The following ANKRD30B variants were observed in gnomAD, a reference collection of about 807,000 sequenced individuals.
The protein encoded by ANKRD30B is ankyrin repeat domain-containing protein 30B.
In ANKRD30B, 144 loss-of-function variants were observed where a neutral mutation model predicts 202.2. The ratio of observed to expected loss-of-function variants is 0.71; its 90% CI spans 0.62 to 0.82. The LOEUF (loss-of-function observed/expected upper bound fraction) is 0.82, where lower values mean the gene tolerates loss of function less well. ANKRD30B is among the 40% of genes least tolerant of loss of function. The pLI is 0.00. For missense variants in ANKRD30B, 1,487 were observed against 1,669.1 expected, an observed-to-expected ratio of 0.89 and a Z score of 1.90; for synonymous variants, 508 against 561.3, an observed-to-expected ratio of 0.91 and a Z score of 1.34.
rs1969900017 is a variant in ANKRD30B, at chr18:14,811,227, C to CTGTCTCGCCCATCTCGT, written c.2488+1059_2488+1075dup. ...TTTTAAATTTTGATATGGCGTCTCG[C>CTGTCTCGCCCATCTCGT]TGTCTCGCCCATCTCGTTGTCTCGC... On this transcript the variant is annotated intron_variant, in intron 28 of 43. Coordinates refer to ENST00000690538, the MANE Select transcript of ANKRD30B (RefSeq NM_001367607.2). Among the ~76,000 whole-genome samples the CTGTCTCGCCCATCTCGT allele has an allele frequency of 5.9e-5, 9 of 151,666 alleles. No individual in the cohort carries two copies. The South Asian group carries it at 6.3e-4, about 11-fold the overall frequency.
chr18:14,925,030 G>C, the ANKRD30B span, among the ~76,000 whole-genome samples: 2 of 152,262 alleles, frequency 1.3e-5, no homozygotes, highest in Admixed American at 6.5e-5. Context: ...CAAAGGCTTA[G>C]ACCATGGCCT....
chr18:14,808,584 T>C lies in ANKRD30B; in HGVS notation c.2313+5T>C, dbSNP rs762044123. ...GATAAAGATGGTCTTCTGAAGGTAA[T>C]TACTTTTATATTTCTATGTTGAATA... On this transcript the variant is annotated splice_donor_5th_base_variant and intron_variant, in intron 25 of 43. Coordinates refer to ENST00000690538, the MANE Select transcript of ANKRD30B (RefSeq NM_001367607.2). 17 of 1,559,286 alleles carry C rather than the reference T, an allele frequency of 1.1e-5. 1 individual carries two copies. Among genetic ancestry groups the C allele is most frequent in the Middle Eastern group, 3.5e-4 (2 of 5,644 alleles).
intron 32 of ANKRD30B, among the ~76,000 whole-genome samples, chr18:14,824,386 C>G (rs1193845866): frequency 6.6e-6 from 1 of 152,108 alleles, no homozygotes; most frequent in African/African-American, 2.4e-5. Context: ...TGGAGTTTCC[C>G]TCTTTCGCCC....
At chr18:14,934,087 A>G in the ANKRD30B span, among the ~76,000 whole-genome samples, 1 of 152,184 alleles carries the variant, frequency 6.6e-6, no homozygotes, top group Non-Finnish European at 1.5e-5. Context: ...CAGCCATAAA[A>G]AGCAAGCAAG....
rs1051366246 is a variant in ANKRD30B, at chr18:14,805,402, G to T, written c.2284+1578G>T. Among the ~76,000 whole-genome samples the T allele has an allele frequency of 4.4e-4, 67 of 151,076 alleles. 4 individuals carry two copies. Among genetic ancestry groups the T allele is most frequent in the African/African-American group, 1.6e-3 (65 of 40,936 alleles). Reference sequence around the variant, plus strand: ...GCCAATTAAATTTGCTGTTCCTGATGAGGTTTGTACATCTTCCTCCATCAG... The same window carrying T: ...GCCAATTAAATTTGCTGTTCCTGATTAGGTTTGTACATCTTCCTCCATCAG... On this transcript the variant is annotated intron_variant, in intron 24 of 43. Transcript: ENST00000690538.
chr18:14,867,091 G>A, the ANKRD30B span, among the ~76,000 whole-genome samples: 1 of 143,466 alleles, frequency 7.0e-6, no homozygotes, highest in Non-Finnish European at 1.5e-5. Flanking sequence ...CCTGTGACAG[G>A]AGCAGATTGG....
At position 14,799,241 on chromosome 18, in the gene ANKRD30B, G is replaced by T. The variant is rs201596581; in HGVS notation, c.2077G>T (p.Val693Phe). The change falls in exon 22 of 44, where the codon GTT becomes TTT. Residue 693 changes from valine (V) to phenylalanine (F), a missense_variant. Val to Phe is a conservative substitution (Grantham distance 50, BLOSUM62 -1). Transcript: ENST00000690538. ...CATTTAGCCTACCTGTGGAAGGAAA[G>T]TTTCTCTTCCAAATAAAGCTTTAGA... The part of the protein sequence containing the change: ...GLLKPTCGRK[V>F]SLPNKALELK... 7.3e-4 allele frequency: 1,139 copies of T among 1,563,748 alleles called. 9 individuals carry two copies. The highest frequency in any genetic ancestry group is 7.3e-4 in the Non-Finnish European group (842 of 1,156,332).
chr18:14,834,868 T>C (rs1971105278), intron 34 of ANKRD30B, among the ~76,000 whole-genome samples: 1 of 151,990 alleles, frequency 6.6e-6, no homozygotes, highest in African/African-American at 2.4e-5. Context: ...TAACTTTATG[T>C]CTTATATTTA....
chr18:14,749,841 A>G (rs1197923646), intron 1 of ANKRD30B, among the ~76,000 whole-genome samples: 1 of 151,970 alleles, frequency 6.6e-6, no homozygotes, highest in East Asian at 1.9e-4. Flanking sequence ...GAAAAGAATT[A>G]GTTTCATAAT....
intron 36 of ANKRD30B, among the ~76,000 whole-genome samples, chr18:14,837,968 A>G (rs944166235): frequency 6.6e-6 from 1 of 152,198 alleles, no homozygotes; most frequent in African/African-American, 2.4e-5. Context: ...GGGAGCCCAG[A>G]TCATGCCACT....
chr18:14,810,021 A>G lies in ANKRD30B; in HGVS notation c.2415+7A>G. 1 of 1,433,024 alleles carries G rather than the reference A, an allele frequency of 7.0e-7. No individual in the cohort carries two copies. The highest frequency in any genetic ancestry group is 1.2e-5 in the South Asian group (1 of 86,666). 88.8% of individuals were successfully genotyped at this position (1,433,024 alleles called of 1,614,324 possible). ...TAAAGATGGTCTTCTGAAGGTAATA[A>G]CTTTTATATTTTTATCTTGAATATT... On this transcript the variant is annotated splice_region_variant and intron_variant, in intron 27 of 43. Transcript: ENST00000690538.
intron 34 of ANKRD30B, among the ~76,000 whole-genome samples, chr18:14,832,544 G>T (rs1204317333): frequency 6.6e-6 from 1 of 152,134 alleles, no homozygotes; most frequent in Non-Finnish European, 1.5e-5. Flanking sequence ...ATGAGATACT[G>T]CAGGTTAGAA....
chr18:14,758,475 A>T (rs564572023), intron 5 of ANKRD30B, among the ~76,000 whole-genome samples: 88 of 152,276 alleles, frequency 5.8e-4, no homozygotes, highest in African/African-American at 2.0e-3. Flanking sequence ...GACCTTTGTG[A>T]CCAGGATGCC....
At chr18:14,855,163 C>T (rs1330133839), downstream of ANKRD30B, among the ~76,000 whole-genome samples, 1 of 152,140 alleles carries the variant, frequency 6.6e-6, no homozygotes, top group African/African-American at 2.4e-5. Context: ...CTTGCACCGC[C>T]CTTAATCCAT....
chr18:14,867,863 G>A, the ANKRD30B span, among the ~76,000 whole-genome samples: 1 of 152,226 alleles, frequency 6.6e-6, no homozygotes, highest in South Asian at 2.1e-4. Flanking sequence ...GCATGACAAG[G>A]TGAGGCTCTA....
intron 32 of ANKRD30B, 133 bp downstream of exon 32, chr18:14,822,810 T>A: frequency 8.2e-7 from 1 of 1,219,370 alleles, no homozygotes; most frequent in Non-Finnish European, 1.1e-6. Flanking sequence ...ATAATGCCAA[T>A]GTTAGTATTC....
At chr18:14,871,763 G>A in the ANKRD30B span, among the ~76,000 whole-genome samples, 2 of 152,112 alleles carry the variant, frequency 1.3e-5, no homozygotes. Context: ...CAGCCATGGT[G>A]GCTATATTCC....
chr18:14,809,024 G>C (rs1969740873), intron 26 of ANKRD30B, among the ~76,000 whole-genome samples: 1 of 149,690 alleles, frequency 6.7e-6, no homozygotes, highest in African/African-American at 2.5e-5. Context: ...GGCAGGTTGA[G>C]AAAGAATAGA....
At position 14,784,202 on chromosome 18, in the gene ANKRD30B, G is replaced by C. The variant is rs575813087; in HGVS notation, c.1571-134G>C. 10 of 899,648 alleles carry C rather than the reference G, an allele frequency of 1.1e-5. No individual in the cohort carries two copies. In the South Asian group the frequency reaches 1.6e-4, roughly 14 times the overall value. 55.7% of individuals were successfully genotyped at this position (899,648 alleles called of 1,614,324 possible). On this transcript the variant is annotated intron_variant, in intron 12 of 43. Transcript: ENST00000690538. ...TGTGTGTGTCCTAAACAAACCAAAA[G>C]AAAACTTCCCAAATCTAAACTATTC...
Sources: allele counts gnomAD v4.1 joint callset (sites outside exome capture counted in the v4.1 genomes callset), GRCh38; gene constraint gnomAD v4.1.1; transcripts MANE v1.5; gene names NCBI Gene and HGNC (gene_info 2026-07-23, HGNC 2026-07-21).